The following ARAP2 variants were observed in gnomAD, a reference collection of about 807,000 sequenced individuals.
ARAP2 encodes ArfGAP with RhoGAP domain, ankyrin repeat and PH domain 2.
In ARAP2, 148 loss-of-function variants were observed where a neutral mutation model predicts 194.5. The observed-to-expected ratio is 0.76, with a 90% CI of 0.67 to 0.87. The LOEUF is 0.87. Ranked by LOEUF, ARAP2 falls within the 40% of genes least tolerant of loss-of-function variation. The pLI is 0.00. For missense variants in ARAP2, 2,128 were observed against 1,989.7 expected (o/e 1.07, Z -1.32); for synonymous variants, 695 against 683.5 (o/e 1.02, Z -0.26).
intron 25 of ARAP2, 150 bp from the exon 26 acceptor site, chr4:36,114,437 A>C: frequency 1.8e-6 from 1 of 570,806 alleles, no homozygotes. Flanking sequence ...CCATACAGAA[A>C]ACAGCATGTT....
At chr4:36,104,455 G>C (rs921870336) in intron 27 of ARAP2, among the ~76,000 whole-genome samples, 8 of 151,922 alleles carry the variant, frequency 5.3e-5, no homozygotes, top group African/African-American at 1.9e-4. Context: ...TCTGGAGTAG[G>C]TAGTCGTTGT....
chr4:36,140,259 C>T (rs1727982878), intron 19 of ARAP2, among the ~76,000 whole-genome samples: 1 of 151,088 alleles, frequency 6.6e-6, no homozygotes, highest in Non-Finnish European at 1.5e-5. Flanking sequence ...TCTCCTGGTA[C>T]ATAGAGGTAC....
At chr4:36,173,051 T>TGA in intron 9 of ARAP2, among the ~76,000 whole-genome samples, 1 of 152,274 alleles carries the variant, frequency 6.6e-6, no homozygotes, top group East Asian at 1.9e-4. Context: ...TTGAGAATGT[T>TGA]TAATCAAGTG....
intron 2 of ARAP2, among the ~76,000 whole-genome samples, chr4:36,219,352 C>G (rs1017348027): frequency 6.6e-6 from 1 of 152,174 alleles, no homozygotes; most frequent in Non-Finnish European, 1.5e-5. Flanking sequence ...AACAATCTGA[C>G]ATGCAACAAC....
At position 36,068,289 on chromosome 4, in the gene ARAP2, A is replaced by T; in HGVS notation, c.4744-11T>A. On this transcript the variant is annotated splice_polypyrimidine_tract_variant and intron_variant, in intron 32 of 32. Transcript: ENST00000303965. ...TTCTGCTCTTGCACTCTAAAAATAA[A>T]ATTAAATGTCTCACAGGGAAGCAAG... The T allele has an allele frequency of 6.6e-7, 1 of 1,508,746 alleles. No individual in the cohort carries two copies. Among genetic ancestry groups the T allele is most frequent in the Non-Finnish European group, 8.8e-7 (1 of 1,130,824 alleles). The allele number at this position is 1,508,746 out of a possible 1,614,324, so 93.5% of individuals were successfully genotyped here. A position where few individuals can be genotyped will look rare whatever the true frequency, so the allele number is the denominator to read the frequency against.
chr4:36,050,161 T>C (rs1467529581), intron 3 of ARAP2, among the ~76,000 whole-genome samples: 1 of 152,154 alleles, frequency 6.6e-6, no homozygotes, highest in East Asian at 1.9e-4. Context: ...AGAAGAATCT[T>C]ACTTTAATAA....
chr4:36,109,917 G>A (rs995116079), intron 26 of ARAP2, among the ~76,000 whole-genome samples: 2 of 130,562 alleles, frequency 1.5e-5, no homozygotes, highest in Admixed American at 1.9e-4. Flanking sequence ...TCCCAATAAC[G>A]GTTGCCATTT....
chr4:36,041,333 G>A (rs984832013), intron 5 of ARAP2, among the ~76,000 whole-genome samples: 1 of 151,856 alleles, frequency 6.6e-6, no homozygotes, highest in African/African-American at 2.4e-5. Context: ...AAATTTACAA[G>A]AGAAAAATAT....
At chr4:36,156,939 T>C (rs971360959) in intron 15 of ARAP2, among the ~76,000 whole-genome samples, 1 of 152,220 alleles carries the variant, frequency 6.6e-6, no homozygotes, top group African/African-American at 2.4e-5. Context: ...CAAAAATCCA[T>C]TGTTAATATA....
chr4:36,079,570 T>C (rs948061458), intron 31 of ARAP2, among the ~76,000 whole-genome samples: 1 of 152,164 alleles, frequency 6.6e-6, no homozygotes, highest in African/African-American at 2.4e-5. Context: ...TGGGACTATA[T>C]AACTGTTCCT....
At chr4:36,039,606 A>C (rs1464761432) in intron 5 of ARAP2, among the ~76,000 whole-genome samples, 1 of 152,028 alleles carries the variant, frequency 6.6e-6, no homozygotes, top group Non-Finnish European at 1.5e-5. Context: ...CCTCATACTC[A>C]CACTCTAAAT....
chr4:36,045,497 A>C (rs1721644222), intron 5 of ARAP2, among the ~76,000 whole-genome samples: 1 of 152,166 alleles, frequency 6.6e-6, no homozygotes, highest in South Asian at 2.1e-4. Context: ...AGTTGAATTC[A>C]TAGAAATACA....
intron 9 of ARAP2, among the ~76,000 whole-genome samples, chr4:36,176,944 A>C (rs1237170709): frequency 6.6e-6 from 1 of 152,102 alleles, no homozygotes; most frequent in Non-Finnish European, 1.5e-5. Context: ...AAATGAGTTC[A>C]TCTTAGATCA....
In ARAP2 at chr4:36,073,692, A is replaced by G. The variant is rs764034464; in HGVS notation, c.4740T>C (p.Ile1580=). 1 of 1,611,404 alleles carries G rather than the reference A, an allele frequency of 6.2e-7. No homozygotes were observed. The highest frequency in any genetic ancestry group is 8.5e-7 in the Non-Finnish European group (1 of 1,178,440). The change falls in exon 32 of 33, where the codon ATT becomes ATC. Residue 1580 remains isoleucine, a synonymous_variant. Transcript: ENST00000303965. ...EGNATLARKN[I]ESARAELERL... is the part of the protein sequence containing the mutation. ...AACAAACAAAATCCTAACCTACCTC[A>G]ATATTTTTCCGGGCCAAGGTTGCAT...
intron 5 of ARAP2, among the ~76,000 whole-genome samples, chr4:36,037,011 C>T (rs1161263544): frequency 6.6e-6 from 1 of 151,992 alleles, no homozygotes; most frequent in Non-Finnish European, 1.5e-5. Flanking sequence ...TTATTCTTCC[C>T]CTCTTCTTTT....
chr4:36,014,368 A>T (rs928295354), intron 8 of ARAP2, among the ~76,000 whole-genome samples: 3 of 135,588 alleles, frequency 2.2e-5, no homozygotes, highest in Non-Finnish European at 4.6e-5. Context: ...GAAAGAAAGA[A>T]AGAAAGAAAG....
At chr4:36,140,948 T>A (rs1728173125) in intron 19 of ARAP2, among the ~76,000 whole-genome samples, 1 of 151,684 alleles carries the variant, frequency 6.6e-6, no homozygotes, top group Non-Finnish European at 1.5e-5. Context: ...TTATTCACAC[T>A]GTGTTTATTA....
In ARAP2 at chr4:36,198,283, G is replaced by C. The variant is rs569825101; in HGVS notation, c.1488-4636C>G. On this transcript the variant is annotated intron_variant, in intron 6 of 32. Coordinates refer to ENST00000303965, the MANE Select transcript of ARAP2 (RefSeq NM_015230.4). ...TGTCTGCGCAGCTCTGGCTGATCCG[G>C]GGGCTTTTATGGGCCTCAGGGGAGG... is the stretch of plus-strand genomic sequence containing the variant. Among the ~76,000 whole-genome samples, 10 of 152,304 alleles carry C rather than the reference G, an allele frequency of 6.6e-5. No individual in the cohort carries two copies. In the South Asian group the frequency reaches 1.9e-3, roughly 28 times the overall value.
intron 6 of ARAP2, among the ~76,000 whole-genome samples, chr4:36,195,284 TTCCTCACTTTGCAACA>T (rs1211694695): frequency 6.6e-6 from 1 of 152,238 alleles, no homozygotes; most frequent in Non-Finnish European, 1.5e-5. Context: ...GCAATGGGTT[TTCCTCACTTTGCAACA>T]TCCAACAGTG....
Sources: allele counts gnomAD v4.1 joint callset (sites outside exome capture counted in the v4.1 genomes callset), GRCh38; gene constraint gnomAD v4.1.1; transcripts MANE v1.5; gene names NCBI Gene and HGNC (gene_info 2026-07-23, HGNC 2026-07-21).